The following EYS variants were observed in gnomAD, a reference collection of about 807,000 sequenced individuals.
EYS encodes the protein EGF-like photoreceptor maintenance factor.
In EYS, 250 loss-of-function variants were observed where a neutral mutation model predicts 282.1. That is an observed-to-expected ratio of 0.89 (90% CI 0.80 to 0.98). The LOEUF (loss-of-function observed/expected upper bound fraction) is 0.98, where lower values mean the gene tolerates loss of function less well. Among genes scored for constraint, EYS ranks in the 50% least tolerant of loss-of-function variants. The pLI, the probability that EYS is intolerant of heterozygous loss-of-function variation, is 0.00. For missense variants in EYS, 4,016 were observed against 3,709.0 expected (o/e 1.08, Z -2.15); for synonymous variants, 1,355 against 1,282.9 (o/e 1.06, Z -1.20).
At chr6:64,636,574 G>A (rs550151895) in intron 22 of EYS, among the ~76,000 whole-genome samples, 3 of 152,152 alleles carry the variant, frequency 2.0e-5, no homozygotes, top group African/African-American at 7.2e-5. Flanking sequence ...GGCAACAAAA[G>A]CCAAAATTGA....
intron 31 of EYS, among the ~76,000 whole-genome samples, chr6:64,218,991 AAG>A (rs1287120588): frequency 6.6e-6 from 1 of 152,168 alleles, no homozygotes; most frequent in Non-Finnish European, 1.5e-5. Flanking sequence ...AGAGCTGCTA[AAG>A]AGAGTTTGCA....
intron 22 of EYS, among the ~76,000 whole-genome samples, chr6:64,666,339 A>T (rs1769227831): frequency 6.6e-6 from 1 of 152,172 alleles, no homozygotes; most frequent in Non-Finnish European, 1.5e-5. Context: ...TTCACCTCTA[A>T]TGTTTAAATT....
At chr6:63,750,922 C>T (rs1405329290) in intron 41 of EYS, among the ~76,000 whole-genome samples, 1 of 152,318 alleles carries the variant, frequency 6.6e-6, no homozygotes, top group Non-Finnish European at 1.5e-5. Flanking sequence ...CTGACCTGCA[C>T]TTCTACTTTT....
chr6:65,051,953 G>A (rs1355923032), intron 13 of EYS, among the ~76,000 whole-genome samples: 3 of 151,412 alleles, frequency 2.0e-5, no homozygotes, highest in Non-Finnish European at 1.5e-5. Flanking sequence ...TTCCTGAAAT[G>A]CACTTTGCTT....
chr6:65,193,356 T>C (rs2150241179), intron 12 of EYS, among the ~76,000 whole-genome samples: 1 of 151,950 alleles, frequency 6.6e-6, no homozygotes, highest in African/African-American at 2.4e-5. Context: ...GCCTCTTCCT[T>C]TGTAACCCTG....
intron 26 of EYS, among the ~76,000 whole-genome samples, chr6:64,448,677 G>A (rs1775208046): frequency 6.6e-6 from 1 of 152,160 alleles, no homozygotes; most frequent in East Asian, 1.9e-4. Context: ...GAACGATCAG[G>A]CAGCAGCATT....
chr6:64,388,844 T>C lies in EYS; in HGVS notation c.5928-4A>G. The C allele has an allele frequency of 3.4e-6, 5 of 1,485,306 alleles. No homozygotes were observed. The highest frequency in any genetic ancestry group is 1.5e-5 in the South Asian group (1 of 68,870). 92.0% of individuals were successfully genotyped at this position (1,485,306 alleles called of 1,614,324 possible). A position where few individuals can be genotyped will look rare whatever the true frequency, so the allele number is the denominator to read the frequency against. ...GTTACATGGATCCAATTCTTGCCTGTAACCATTTAAGAAAGAAATGGTTTT... is the reference window on the plus strand; with the variant it reads ...GTTACATGGATCCAATTCTTGCCTGCAACCATTTAAGAAAGAAATGGTTTT... On this transcript the variant is annotated splice_region_variant and splice_polypyrimidine_tract_variant and intron_variant, in intron 28 of 42. Coordinates refer to ENST00000503581, the MANE Select transcript of EYS (RefSeq NM_001142800.2).
intron 9 of EYS, among the ~76,000 whole-genome samples, chr6:65,349,286 C>T (rs960979381): frequency 2.0e-5 from 3 of 151,496 alleles, no homozygotes; most frequent in Non-Finnish European, 4.4e-5. Context: ...ATTCTATACA[C>T]CACTTGTCCA....
At chr6:65,049,520 T>C (rs1281839728) in intron 13 of EYS, among the ~76,000 whole-genome samples, 1 of 151,742 alleles carries the variant, frequency 6.6e-6, no homozygotes, top group Non-Finnish European at 1.5e-5. Flanking sequence ...GAAAAGCATA[T>C]ATAGTGAAAA....
At chr6:65,164,747 G>T (rs1764932019) in intron 12 of EYS, among the ~76,000 whole-genome samples, 1 of 151,268 alleles carries the variant, frequency 6.6e-6, no homozygotes, top group Non-Finnish European at 1.5e-5. Flanking sequence ...TTACTTCGGA[G>T]TGCTGTGAAA....
intron 26 of EYS, among the ~76,000 whole-genome samples, chr6:64,537,254 G>C (rs970890452): frequency 6.2e-5 from 9 of 144,020 alleles, no homozygotes; most frequent in Non-Finnish European, 1.2e-4. Flanking sequence ...GAGAATATGC[G>C]GTGTTTGGTT....
At chr6:64,861,513 TC>T (rs1766237339) in intron 19 of EYS, among the ~76,000 whole-genome samples, 1 of 151,980 alleles carries the variant, frequency 6.6e-6, no homozygotes, top group Non-Finnish European at 1.5e-5. Context: ...TCCTGACTGC[TC>T]CCAGCCCCCA....
At chr6:64,094,781 C>A (rs1772522743) in intron 31 of EYS, among the ~76,000 whole-genome samples, 1 of 152,082 alleles carries the variant, frequency 6.6e-6, no homozygotes, top group Non-Finnish European at 1.5e-5. Flanking sequence ...TCAGTTATTT[C>A]TTGCCTTCTG....
rs185166413 is a variant in EYS at position 64,714,616 on chromosome 6, C to G, written c.3444-88371G>C. On this transcript the variant is annotated intron_variant, in intron 22 of 42. Coordinates refer to ENST00000503581, the MANE Select transcript of EYS (RefSeq NM_001142800.2). ...TCTCGGCTCACTGCAAGCTCCGCCTCCCGGGTTCACACCACTCTCCTGCCT... is the reference window on the plus strand; with the variant it reads ...TCTCGGCTCACTGCAAGCTCCGCCTGCCGGGTTCACACCACTCTCCTGCCT... Among the ~76,000 whole-genome samples, 120 of 151,320 alleles carry G rather than the reference C, an allele frequency of 7.9e-4. 1 individual carries two copies. The East Asian group carries it at 0.021, about 27-fold the overall frequency.
intron 12 of EYS, among the ~76,000 whole-genome samples, chr6:65,199,544 C>T (rs1765849546): frequency 6.6e-6 from 1 of 151,952 alleles, no homozygotes; most frequent in Non-Finnish European, 1.5e-5. Context: ...ATTTAGAAAC[C>T]AGACAGTGCC....
chr6:63,782,846 G>T (rs1300854048), intron 39 of EYS, among the ~76,000 whole-genome samples: 1 of 151,480 alleles, frequency 6.6e-6, no homozygotes, highest in Non-Finnish European at 1.5e-5. Flanking sequence ...TGTTGTTAGG[G>T]TGTCAATTTT....
chr6:63,968,481 C>A (rs1329535208), intron 35 of EYS, among the ~76,000 whole-genome samples: 1 of 151,768 alleles, frequency 6.6e-6, no homozygotes, highest in East Asian at 1.9e-4. Context: ...AAAGTGAACT[C>A]AAAAATAAAA....
chr6:65,057,740 G>GA lies in EYS; in HGVS notation c.2024-14_2024-13insT, dbSNP rs142590049. 291,654 of 1,423,498 alleles carry GA rather than the reference G, an allele frequency of 0.2. 20,308 individuals are homozygous for GA. Among genetic ancestry groups the GA allele is most frequent in the South Asian group, 0.24 (18,646 of 78,298 alleles). 88.2% of individuals were successfully genotyped at this position (1,423,498 alleles called of 1,614,324 possible). The stretch of plus-strand genomic sequence containing the variant: ...TCACATTGCGTACCTTTGGAAAATA[G>GA]GAAAAAAAAATGTTAAGTGTTAACA... On this transcript the variant is annotated splice_polypyrimidine_tract_variant and intron_variant, in intron 12 of 42. Transcript: ENST00000503581.
chr6:64,810,770 A>C (rs1033481335), intron 22 of EYS, among the ~76,000 whole-genome samples: 1 of 152,100 alleles, frequency 6.6e-6, no homozygotes, highest in African/African-American at 2.4e-5. Flanking sequence ...TATAAAGTTG[A>C]GTAATTTTCC....
Sources: allele counts gnomAD v4.1 joint callset (sites outside exome capture counted in the v4.1 genomes callset), GRCh38; gene constraint gnomAD v4.1.1; transcripts MANE v1.5; gene names NCBI Gene and HGNC (gene_info 2026-07-23, HGNC 2026-07-21).